Variants in C12orf54 observed in about 807,000 individuals in gnomAD.
C12orf54 encodes chromosome 12 open reading frame 54, also known as uncharacterized protein C12orf54.
Under a neutral mutation model 26.4 loss-of-function variants are expected in C12orf54, and 24 were observed. The observed-to-expected ratio is 0.91, with a 90% CI of 0.66 to 1.28. C12orf54 has a LOEUF of 1.28. Ranked by LOEUF, C12orf54 falls within the 50% of genes most tolerant of loss-of-function variation. The probability of loss-of-function intolerance (pLI) is 0.00; values close to 1 mark genes in which losing one functional copy is unlikely to be tolerated. For missense variants in C12orf54, 154 were observed against 150.9 expected (o/e 1.02, Z -0.11); for synonymous variants, 54 against 47.0 (o/e 1.15, Z -0.61).
At chr12:48,475,638 G>A in the C12orf54 span, among the ~76,000 whole-genome samples, 15 of 152,220 alleles carry the variant, frequency 9.9e-5, no homozygotes, top group Non-Finnish European at 1.6e-4. Context: ...CTGGAAGAAA[G>A]GGTATCAGTG....
At chr12:48,459,377 A>T in the C12orf54 span, among the ~76,000 whole-genome samples, 5 of 150,446 alleles carry the variant, frequency 3.3e-5, no homozygotes, top group African/African-American at 1.2e-4. Flanking sequence ...AGTGGCGGTG[A>T]TGTGTCAGTT....
At chr12:48,490,757 G>A in intron 5 of C12orf54, 55 bp from the exon 6 acceptor site, 16 of 1,600,124 alleles carry the variant, frequency 1.0e-5, no homozygotes, top group Non-Finnish European at 1.3e-5. Flanking sequence ...ATACAGTGCA[G>A]GTCTGCAGGA....
chr12:48,438,302 C>G, the C12orf54 span, among the ~76,000 whole-genome samples: 1 of 152,184 alleles, frequency 6.6e-6, no homozygotes. Context: ...TAGGAAGAAT[C>G]AATATCGTGA....
At chr12:48,456,550 A>C in the C12orf54 span, among the ~76,000 whole-genome samples, 1 of 152,148 alleles carries the variant, frequency 6.6e-6, no homozygotes, top group Non-Finnish European at 1.5e-5. Flanking sequence ...AAGAGGGTTA[A>C]ATTTGAATCC....
chr12:48,452,264 G>A, the C12orf54 span, among the ~76,000 whole-genome samples: 1 of 152,094 alleles, frequency 6.6e-6, no homozygotes, highest in South Asian at 2.1e-4. Context: ...AATGGTGCTG[G>A]GAGAACTGCC....
the C12orf54 span, among the ~76,000 whole-genome samples, chr12:48,436,708 T>G: frequency 6.6e-6 from 1 of 151,846 alleles, no homozygotes. Flanking sequence ...TGAAACCAAC[T>G]AGAAAAAAGA....
the C12orf54 span, among the ~76,000 whole-genome samples, chr12:48,464,726 A>T: frequency 1.3e-5 from 2 of 152,174 alleles, no homozygotes; most frequent in African/African-American, 4.8e-5. Context: ...ACAGACACAT[A>T]AACCAATAGA....
At chr12:48,474,602 A>C in the C12orf54 span, among the ~76,000 whole-genome samples, 1 of 152,238 alleles carries the variant, frequency 6.6e-6, no homozygotes, top group Non-Finnish European at 1.5e-5. Context: ...TATCCCACAC[A>C]TGGCTCGGAG....
the C12orf54 span, among the ~76,000 whole-genome samples, chr12:48,467,597 A>G: frequency 6.6e-6 from 1 of 152,150 alleles, no homozygotes; most frequent in African/African-American, 2.4e-5. Flanking sequence ...CATTCTATTA[A>G]TAGAATAAGG....
chr12:48,435,581 G>A, the C12orf54 span, among the ~76,000 whole-genome samples: 31 of 152,320 alleles, frequency 2.0e-4, no homozygotes, highest in African/African-American at 7.5e-4. Flanking sequence ...AACTCTACAA[G>A]CCAGAAGAGA....
chr12:48,491,456 A>G (rs573383445), intron 6 of C12orf54, among the ~76,000 whole-genome samples: 3 of 152,334 alleles, frequency 2.0e-5, no homozygotes, highest in South Asian at 4.1e-4. Context: ...TGGAGGTGAC[A>G]TAGGCATTCA....
In C12orf54 at chr12:48,492,946, G is replaced by T; in HGVS notation, c.194-1G>T. Reference sequence around the variant, plus strand: ...ATGACTCTTCTCTGTGTCCACTTTAGGGATGAGCAACTGCTCCATGACACC... The same window carrying T: ...ATGACTCTTCTCTGTGTCCACTTTATGGATGAGCAACTGCTCCATGACACC... On this transcript the variant is annotated splice_acceptor_variant, in intron 6 of 8. Transcript: ENST00000548364. LOFTEE classifies it high-confidence loss of function. 6.2e-7 allele frequency: 1 copy of T among 1,613,848 alleles called. No individual in the cohort carries two copies. The highest frequency in any genetic ancestry group is 8.5e-7 in the Non-Finnish European group (1 of 1,179,770).
intron 1 of C12orf54, among the ~76,000 whole-genome samples, 157 bp from the exon 2 acceptor site, chr12:48,483,083 C>T (rs1340270910): frequency 1.3e-5 from 2 of 152,148 alleles, no homozygotes; most frequent in Admixed American, 6.5e-5. Flanking sequence ...CATATGCACA[C>T]ATACATGCAC....
chr12:48,467,841 G>A, the C12orf54 span, among the ~76,000 whole-genome samples: 1 of 151,972 alleles, frequency 6.6e-6, no homozygotes, highest in South Asian at 2.1e-4. Context: ...TCTAAATTTA[G>A]TCTTTTGTTG....
chr12:48,470,559 G>A, the C12orf54 span, among the ~76,000 whole-genome samples: 1 of 152,072 alleles, frequency 6.6e-6, no homozygotes, highest in African/African-American at 2.4e-5. Context: ...ATAGAGTCTT[G>A]ATATTAGATC....
chr12:48,430,176 C>T, the C12orf54 span, among the ~76,000 whole-genome samples: 1 of 152,052 alleles, frequency 6.6e-6, no homozygotes, highest in South Asian at 2.1e-4. Flanking sequence ...AAGAATTAAA[C>T]CTAAGGCATG....
the C12orf54 span, chr12:48,472,815 A>C: frequency 1.2e-6 from 2 of 1,614,202 alleles, no homozygotes. Flanking sequence ...AAATACAATC[A>C]ACATAGGCCT....
chr12:48,473,068 T>G, the C12orf54 span: 2 of 1,614,090 alleles, frequency 1.2e-6, no homozygotes, highest in Non-Finnish European at 1.7e-6. Flanking sequence ...TGAGAAAAGA[T>G]GTTCAAGCTC....
At chr12:48,433,765 A>G in the C12orf54 span, among the ~76,000 whole-genome samples, 1 of 152,172 alleles carries the variant, frequency 6.6e-6, no homozygotes, top group African/African-American at 2.4e-5. Context: ...GCTTTTAAAA[A>G]TATTCTTTGC....
Sources: gnomAD v4.1 joint callset for allele counts (sites outside exome capture counted in the v4.1 genomes callset) on GRCh38, gnomAD v4.1.1 for gene constraint, MANE v1.5 for transcripts, NCBI Gene and HGNC (gene_info 2026-07-23, HGNC 2026-07-21) for gene names.